The following SFXN1 variants were observed in gnomAD, a reference collection of about 807,000 sequenced individuals.
SFXN1 encodes sideroflexin 1.
SFXN1 carries 32 observed loss-of-function variants against 39.5 expected under a neutral mutation model. That is an observed-to-expected ratio of 0.81 (90% CI 0.61 to 1.09). SFXN1 has a LOEUF of 1.09. Ranked by LOEUF, SFXN1 falls within the 50% of genes least tolerant of loss-of-function variation. The probability of loss-of-function intolerance (pLI) is 0.00; values close to 1 mark genes in which losing one functional copy is unlikely to be tolerated. For synonymous variants in SFXN1, 136 were observed against 146.5 expected (o/e 0.93, Z 0.52); for missense variants, 402 against 407.1 (o/e 0.99, Z 0.11).
chr5:175,514,986 T>C (rs1581318166), intron 7 of SFXN1, among the ~76,000 whole-genome samples: 1 of 152,306 alleles, frequency 6.6e-6, no homozygotes, highest in East Asian at 1.9e-4. Flanking sequence ...AGGTTGCGGC[T>C]CCAGCTTCTG....
intron 2 of SFXN1, among the ~76,000 whole-genome samples, chr5:175,498,185 C>T (rs911294059): frequency 4.6e-5 from 7 of 152,108 alleles, no homozygotes; most frequent in African/African-American, 1.7e-4. Context: ...TTACATATCT[C>T]TGTGATTAAA....
intron 2 of SFXN1, among the ~76,000 whole-genome samples, chr5:175,504,058 G>A (rs1760196993): frequency 1.3e-5 from 2 of 151,078 alleles, no homozygotes; most frequent in Non-Finnish European, 3.0e-5. Flanking sequence ...AAAAGAGGGG[G>A]GTGGGGGAAG....
chr5:175,492,955 TA>T (rs1267390121), intron 2 of SFXN1, among the ~76,000 whole-genome samples: 1 of 152,152 alleles, frequency 6.6e-6, no homozygotes, highest in African/African-American at 2.4e-5. Context: ...AACAATCCTT[TA>T]AAAAAATGTA....
chr5:175,509,093 GATT>G lies in SFXN1; in HGVS notation c.227_229del (p.Asp76_Ser77delinsAla). ...ATTGTGGAGAGCAAAGTACATCTAT[GATT>G]CAGCTTTTCATCCTGACACTGGTGA... is the stretch of plus-strand genomic sequence containing the variant. On this transcript the variant is annotated inframe_deletion, in exon 3 of 11. Transcript: ENST00000321442. 6.2e-7 allele frequency: 1 copy of G among 1,613,952 alleles called. No homozygotes were observed. Among genetic ancestry groups the G allele is most frequent in the South Asian group, 1.1e-5 (1 of 91,032 alleles).
rs372086016 is a variant in SFXN1, at chr5:175,510,092, G to A, written c.336-17G>A. The A allele has an allele frequency of 1.9e-5, 31 of 1,603,298 alleles. No homozygotes were observed. Among genetic ancestry groups the A allele is most frequent in the Admixed American group, 8.5e-5 (5 of 58,890 alleles). Reference sequence around the variant, plus strand: ...GGCCCAGTGATGGTGGGTATGTGACGGATGCCTCTGTTTTAGGACTACGCC... The same window carrying A: ...GGCCCAGTGATGGTGGGTATGTGACAGATGCCTCTGTTTTAGGACTACGCC... On this transcript the variant is annotated splice_polypyrimidine_tract_variant and intron_variant, in intron 3 of 10. Transcript: ENST00000321442.
intron 2 of SFXN1, among the ~76,000 whole-genome samples, chr5:175,493,300 G>A (rs561446199): frequency 2.4e-4 from 37 of 152,206 alleles, no homozygotes; most frequent in African/African-American, 7.9e-4. Context: ...ACCTGGCAGG[G>A]CACACAGGCC....
At chr5:175,520,940 C>G (rs1305383377) in intron 8 of SFXN1, among the ~76,000 whole-genome samples, 1 of 152,076 alleles carries the variant, frequency 6.6e-6, no homozygotes, top group Non-Finnish European at 1.5e-5. Context: ...TGCTCCCTTC[C>G]TCTCCAATCC....
chr5:175,509,357 A>G, intron 3 of SFXN1, 155 bp downstream of exon 3: 1 of 620,834 alleles, frequency 1.6e-6, no homozygotes, highest in Non-Finnish European at 2.5e-6. Context: ...TCCGTAATGT[A>G]CTTATGAATC....
chr5:175,511,137 C>T (rs891048188), intron 4 of SFXN1, among the ~76,000 whole-genome samples: 1 of 152,194 alleles, frequency 6.6e-6, no homozygotes, highest in East Asian at 1.9e-4. Flanking sequence ...GCTTCCTACA[C>T]ACAGCTCCCC....
chr5:175,479,126 A>G (rs774735800), intron 1 of SFXN1, among the ~76,000 whole-genome samples: 15 of 152,330 alleles, frequency 9.8e-5, no homozygotes, highest in Middle Eastern at 3.4e-3. Context: ...AGAACTCGCA[A>G]TCCAGTAGGG....
rs183286127 is a variant in SFXN1, at chr5:175,522,440, G to T, written c.872+18G>T. The T allele has an allele frequency of 6.2e-7, 1 of 1,609,368 alleles. No homozygotes were observed. Among genetic ancestry groups the T allele is most frequent in the Non-Finnish European group, 8.5e-7 (1 of 1,178,146 alleles). On this transcript the variant is annotated intron_variant, in intron 10 of 10. Coordinates refer to ENST00000321442, the MANE Select transcript of SFXN1 (RefSeq NM_022754.7). ...CAGAAAAGGTATGTATTTGTTATTC[G>T]TCAGAATCATCATGAGTATTAATCC...
chr5:175,508,023 G>A (rs1581303848), intron 2 of SFXN1, among the ~76,000 whole-genome samples: 1 of 150,882 alleles, frequency 6.6e-6, no homozygotes, highest in Non-Finnish European at 1.5e-5. Flanking sequence ...CATTCTATAG[G>A]TATAAAAATG....
Position 175,513,491 on chromosome 5 carries a change from G to A in SFXN1, c.625G>A (p.Asp209Asn), listed in dbSNP as rs1361076036. The change falls in exon 7 of 11, where the codon GAT becomes AAT. Residue 209 changes from aspartate to asparagine, a missense_variant. By Grantham distance (23) the Asp-to-Asn change is conservative. Transcript: ENST00000321442. ...ACTCAAAGTTGGCATTCCCGTCACGGATGAGAATGGGAACCGCTTGGGGGA... is the reference window on the plus strand; with the variant it reads ...ACTCAAAGTTGGCATTCCCGTCACGAATGAGAATGGGAACCGCTTGGGGGA... ...RELKVGIPVTDENGNRLGESA... is the reference protein window; with the variant it reads ...RELKVGIPVTNENGNRLGESA... 6 of 1,613,756 alleles carry A rather than the reference G, an allele frequency of 3.7e-6. No homozygotes were observed. The highest frequency in any genetic ancestry group is 1.7e-5 in the Admixed American group (1 of 59,976).
At chr5:175,489,428 CT>C (rs1759575204) in intron 1 of SFXN1, among the ~76,000 whole-genome samples, 1 of 152,188 alleles carries the variant, frequency 6.6e-6, no homozygotes, top group Admixed American at 6.5e-5. Flanking sequence ...GCTAATATGC[CT>C]CAGCAGAGCC....
rs745834455 is a variant in SFXN1 at position 175,492,217 on chromosome 5, G to A, written c.114G>A (p.Leu38=). 3 of 1,613,688 alleles carry A rather than the reference G, an allele frequency of 1.9e-6. No homozygotes were observed. Among genetic ancestry groups the A allele is most frequent in the East Asian group, 2.2e-5 (1 of 44,864 alleles). The change falls in exon 2 of 11, where the codon CTG becomes CTA. Residue 38 remains leucine (L), a synonymous_variant. Coordinates refer to ENST00000321442, the MANE Select transcript of SFXN1 (RefSeq NM_022754.7). ...CTGTAACTGACCCCAGGAACATTCT[G>A]TTAACCAACGAACAACTCGAGAGTG... The part of the protein sequence containing the change: ...FFTVTDPRNI[L]LTNEQLESAR...
At chr5:175,481,861 G>T (rs1759265851) in intron 1 of SFXN1, among the ~76,000 whole-genome samples, 1 of 150,630 alleles carries the variant, frequency 6.6e-6, no homozygotes, top group South Asian at 2.1e-4. Flanking sequence ...CTCCTGTGTG[G>T]CCATGCCCAT....
At position 175,526,822 on chromosome 5, in the gene SFXN1, C is replaced by A; in HGVS notation, c.*88C>A. 1 of 1,075,532 alleles carries A rather than the reference C, an allele frequency of 9.3e-7. No homozygotes were observed. The highest frequency in any genetic ancestry group is 1.8e-5 in the Admixed American group (1 of 54,300). The allele number at this position is 1,075,532 out of a possible 1,614,324, so 66.6% of individuals were successfully genotyped here. A position where few individuals can be genotyped will look rare whatever the true frequency, so the allele number is the denominator to read the frequency against. ...AGAAAAATCCTGTTCAACCTGGGTTCTCCCAGTTACGGAAACCTTTTAAAG... is the reference window on the plus strand; with the variant it reads ...AGAAAAATCCTGTTCAACCTGGGTTATCCCAGTTACGGAAACCTTTTAAAG... On this transcript the variant is annotated 3_prime_UTR_variant, in exon 11 of 11. Coordinates refer to ENST00000321442, the MANE Select transcript of SFXN1 (RefSeq NM_022754.7).
chr5:175,522,315 A>T (rs1760906670), intron 9 of SFXN1, 60 bp from the exon 10 acceptor site: 1 of 1,498,788 alleles, frequency 6.7e-7, no homozygotes, highest in Non-Finnish European at 9.0e-7. Flanking sequence ...GTAAAATAGA[A>T]AAATAAGCTG....
chr5:175,498,407 C>T (rs1759948977), intron 2 of SFXN1, among the ~76,000 whole-genome samples: 1 of 152,132 alleles, frequency 6.6e-6, no homozygotes, highest in Non-Finnish European at 1.5e-5. Flanking sequence ...GAGGTGGTAA[C>T]AGAATCCTGC....
Sources: gnomAD v4.1 joint callset for allele counts (sites outside exome capture counted in the v4.1 genomes callset) on GRCh38, gnomAD v4.1.1 for gene constraint, MANE v1.5 for transcripts, NCBI Gene and HGNC (gene_info 2026-07-23, HGNC 2026-07-21) for gene names.